ADGRV1: variants seen among roughly 807,000 people sequenced by gnomAD.
The protein encoded by ADGRV1 is adhesion G protein-coupled receptor V1.
In ADGRV1, 359 loss-of-function variants were observed where a neutral mutation model predicts 596.2. The observed-to-expected ratio is 0.60, with a 90% confidence interval of 0.55 to 0.66. ADGRV1 has a LOEUF of 0.66. Among genes scored for constraint, ADGRV1 ranks in the 30% least tolerant of loss-of-function variants. The pLI, the probability that ADGRV1 is intolerant of heterozygous loss-of-function variation, is 0.00. For synonymous variants in ADGRV1, 2,681 were observed against 2,679.2 expected (o/e 1.00, Z -0.02); for missense variants, 7,274 against 7,575.6 (o/e 0.96, Z 1.48).
intron 85 of ADGRV1, among the ~76,000 whole-genome samples, chr5:91,068,086 A>T (rs1788037574): frequency 6.6e-6 from 1 of 152,172 alleles, no homozygotes; most frequent in Non-Finnish European, 1.5e-5. Context: ...GCAGATACAG[A>T]GTATGTGTAG....
At chr5:90,852,934 A>G (rs1766674278) in intron 79 of ADGRV1, among the ~76,000 whole-genome samples, 1 of 152,206 alleles carries the variant, frequency 6.6e-6, no homozygotes, top group African/African-American at 2.4e-5. Context: ...TTCTCAACCT[A>G]TTCCAGCAAT....
Position 90,629,384 on chromosome 5 carries a change from G to C in ADGRV1, c.1684G>C (p.Ala562Pro). Residue 562 changes from alanine to proline, a missense_variant, in exon 9 of 90, where the codon GCT (alanine) becomes CCT (proline). Physicochemically the swap from Ala to Pro is conservative, Grantham distance 27 (BLOSUM62 -1). Coordinates refer to ENST00000405460, the MANE Select transcript of ADGRV1 (RefSeq NM_032119.4). ...GCTTTATTCTGTACTTTACATTCCT[G>C]CTGGAGCTGTGGACCCCTTGCAAGC... ...RLLYSVLYIP[A>P]GAVDPLQAKE... 1.2e-6 allele frequency: 2 copies of C among 1,613,604 alleles called. No homozygotes were observed. Among genetic ancestry groups the C allele is most frequent in the Non-Finnish European group, 1.7e-6 (2 of 1,179,830 alleles).
chr5:90,907,252 C>A (rs1772413784), intron 83 of ADGRV1, among the ~76,000 whole-genome samples: 1 of 151,960 alleles, frequency 6.6e-6, no homozygotes, highest in African/African-American at 2.4e-5. Flanking sequence ...ACTTTGGAAA[C>A]AAAAGAATGA....
chr5:90,788,128 G>C lies in ADGRV1; in HGVS notation c.13711G>C (p.Asp4571His). 6.2e-7 allele frequency: 1 copy of C among 1,613,580 alleles called. No homozygotes were observed. The highest frequency in any genetic ancestry group is 8.5e-7 in the Non-Finnish European group (1 of 1,179,588). ...AGAAGCCTTACTGCCACAGAATAGA[G>C]ACATTGCAGACCCAGTGAGCGGGTT... ...SQEALLPQNR[D>H]IADPVSGLFY... Residue 4571 changes from aspartate to histidine, a missense_variant, in exon 68 of 90, where the codon GAC (aspartate) becomes CAC (histidine). By Grantham distance (81) the Asp-to-His change is moderately conservative. Coordinates refer to ENST00000405460, the MANE Select transcript of ADGRV1 (RefSeq NM_032119.4).
intron 1 of ADGRV1, among the ~76,000 whole-genome samples, chr5:90,559,122 G>A (rs1005271445): frequency 3.9e-5 from 6 of 152,256 alleles, no homozygotes; most frequent in Non-Finnish European, 7.4e-5. Context: ...GTCCAAGGCT[G>A]CGGTTTTGCA....
chr5:90,646,549 G>C (rs1280685562), intron 16 of ADGRV1, among the ~76,000 whole-genome samples: 1 of 151,652 alleles, frequency 6.6e-6, no homozygotes, highest in Non-Finnish European at 1.5e-5. Context: ...AATTTTTAAG[G>C]GAAATATTAA....
chr5:91,030,967 A>G (rs1276251015), intron 85 of ADGRV1: 13 of 1,255,724 alleles, frequency 1.0e-5, no homozygotes, highest in Non-Finnish European at 1.1e-5. Context: ...AATCAAAGGA[A>G]AAAACGTCGA....
Position 90,811,076 on chromosome 5 carries a change from T to A in ADGRV1, c.15816T>A (p.Asn5272Lys). ...FGERCAQMEP[N>K]ALPFRGIYGI... ...AAAGATGTGCTCAGATGGAACCAAA[T>A]GCATTGCCCTTTCGTGGTATCTATG... The change falls in exon 74 of 90, where the codon AAT (asparagine) becomes AAA (lysine). Residue 5272 changes from asparagine to lysine, a missense_variant. Transcript: ENST00000405460. 1 of 1,613,974 alleles carries A rather than the reference T, an allele frequency of 6.2e-7. No individual in the cohort carries two copies. The highest frequency in any genetic ancestry group is 8.5e-7 in the Non-Finnish European group (1 of 1,179,826).
intron 35 of ADGRV1, 79 bp downstream of exon 35, chr5:90,703,874 C>A: frequency 5.9e-6 from 6 of 1,009,792 alleles, no homozygotes; most frequent in Non-Finnish European, 8.8e-6. Context: ...AGAAAAGCAG[C>A]ACTATTGTAG....
Position 90,848,664 on chromosome 5 carries a change from T to C in ADGRV1, c.17047T>C (p.Phe5683Leu). ...AACTACTGAAGGAAAAATTCAAGCT[T>C]TCAGTGTTGCCAGCCGAACTCTTTT... The part of the protein sequence containing the change: ...KITTEGKIQA[F>L]SVASRTLFYE... Residue 5683 changes from phenylalanine to leucine, a missense_variant, in exon 79 of 90, where the codon TTC becomes CTC. Phe to Leu is a conservative substitution (Grantham distance 22). Around this residue, in one of 5 missense-constraint regions of ADGRV1, gnomAD observed 1,874 missense variants for 1,970.2 expected, o/e 0.95. Transcript: ENST00000405460. The C allele has an allele frequency of 6.5e-7, 1 of 1,541,488 alleles. No homozygotes were observed. Among genetic ancestry groups the C allele is most frequent in the Non-Finnish European group, 8.7e-7 (1 of 1,149,388 alleles).
chr5:91,096,278 A>G (rs137859061), intron 86 of ADGRV1, among the ~76,000 whole-genome samples: 1 of 152,366 alleles, frequency 6.6e-6, no homozygotes, highest in Non-Finnish European at 1.5e-5. Context: ...GGTGCATAGC[A>G]ATAAAGCCAA....
chr5:90,706,939 T>C (rs779988048), intron 38 of ADGRV1, among the ~76,000 whole-genome samples: 1 of 152,020 alleles, frequency 6.6e-6, no homozygotes, highest in African/African-American at 2.4e-5. Flanking sequence ...CCTGCTGTTA[T>C]GTATTTTATT....
intron 87 of ADGRV1, 77 bp from the exon 88 acceptor site, chr5:91,149,953 A>G (rs1477292552): frequency 2.5e-6 from 3 of 1,205,790 alleles, no homozygotes; most frequent in Admixed American, 2.5e-5. Context: ...TTCTTCAGCT[A>G]CGGTAGCAGG....
intron 2 of ADGRV1, 163 bp from the exon 3 acceptor site, chr5:90,617,641 T>C (rs1460137420): frequency 1.0e-5 from 6 of 581,268 alleles, no homozygotes; most frequent in Non-Finnish European, 1.5e-5. Flanking sequence ...AGATAAGTTT[T>C]TTCAGTTGTT....
intron 86 of ADGRV1, among the ~76,000 whole-genome samples, chr5:91,086,661 G>T (rs918046941): frequency 6.6e-6 from 1 of 152,106 alleles, no homozygotes; most frequent in Non-Finnish European, 1.5e-5. Flanking sequence ...GGTACTACTA[G>T]AGATTCTGTC....
Position 90,725,580 on chromosome 5 carries a change from A to C in ADGRV1, c.10085A>C (p.Gln3362Pro). Residue 3362 changes from glutamine to proline, a missense_variant, in exon 48 of 90, where the codon CAA becomes CCA. This residue lies in a region of ADGRV1 where 3,643 missense variants were observed against 3,809.2 expected (regional missense o/e 0.96). Transcript: ENST00000405460. Reference protein sequence around the residue: ...VQTIIILESSQVRYFTSDSQD... With the variant: ...VQTIIILESSPVRYFTSDSQD... ...ACAATCATTATTCTGGAAAGTTCTC[A>C]AGTAAGATATTTTACTTCAGACAGC... 4 of 1,579,758 alleles carry C rather than the reference A, an allele frequency of 2.5e-6. No individual in the cohort carries two copies. The highest frequency in any genetic ancestry group is 3.5e-6 in the Non-Finnish European group (4 of 1,149,432).
chr5:90,790,831 C>T, intron 69 of ADGRV1, 42 bp from the exon 70 acceptor site: 2 of 1,325,834 alleles, frequency 1.5e-6, no homozygotes, highest in Non-Finnish European at 2.1e-6. Context: ...GTGCAATATA[C>T]TGAATTATAT....
rs111033484 is a variant in ADGRV1 at position 90,653,693 on chromosome 5, G to A, written c.4119G>A (p.Ala1373=). Residue 1373 remains alanine, a synonymous_variant, in exon 20 of 90, where the codon GCG becomes GCA. Transcript: ENST00000405460. ...CCAATACGAATGGATTCATTATAGC[G>A]AAGGATGACGGTAATGGAAGCATCT... is the stretch of plus-strand genomic sequence containing the variant. ...PNANTNGFII[A]KDDGNGSIYY... The A allele has an allele frequency of 6.1e-5, 99 of 1,613,120 alleles. No individual in the cohort carries two copies. Among genetic ancestry groups the A allele is most frequent in the Admixed American group, 1.2e-4 (7 of 59,832 alleles).
chr5:90,763,488 CT>C lies in ADGRV1; in HGVS notation c.12285+20del, dbSNP rs1353897732. ...TGATGAGGTATAGTCAGCATTAGCA[CT>C]CCTGTAATTTTTCCCCAATTTGTCT... On this transcript the variant is annotated intron_variant, in intron 59 of 89. Transcript: ENST00000405460. 1 of 1,580,542 alleles carries C rather than the reference CT, an allele frequency of 6.3e-7. No individual in the cohort carries two copies. Among genetic ancestry groups the C allele is most frequent in the Non-Finnish European group, 8.6e-7 (1 of 1,158,754 alleles).
Sources: gnomAD v4.1 joint callset for allele counts (sites outside exome capture counted in the v4.1 genomes callset) on GRCh38, gnomAD v4.1.1 for gene constraint, gnomAD v4.1.1 regional missense constraint, MANE v1.5 for transcripts, NCBI Gene and HGNC (gene_info 2026-07-23, HGNC 2026-07-21) for gene names.